Variants in STIP1 observed in about 807,000 individuals in gnomAD.
STIP1 encodes the protein stress induced phosphoprotein 1, also known as stress-induced-phosphoprotein 1.
In STIP1, 16 loss-of-function variants were observed where a neutral mutation model predicts 77.4. That is an observed-to-expected ratio of 0.21 (90% CI 0.14 to 0.31). The LOEUF (loss-of-function observed/expected upper bound fraction) is 0.31, where lower values mean the gene tolerates loss of function less well. Among genes scored for constraint, STIP1 ranks in the 10% least tolerant of loss-of-function variants. The probability of loss-of-function intolerance (pLI) is 1.00; values close to 1 mark genes in which losing one functional copy is unlikely to be tolerated. For missense variants in STIP1, 524 were observed against 684.8 expected, an observed-to-expected ratio of 0.77 and a Z score of 2.62; for synonymous variants, 258 against 246.6, an observed-to-expected ratio of 1.05 and a Z score of -0.44.
intron 5 of STIP1, 147 bp downstream of exon 5, chr11:64,195,960 T>A: frequency 8.4e-7 from 1 of 1,190,132 alleles, no homozygotes; most frequent in Non-Finnish European, 1.2e-6. Flanking sequence ...CAGGTTGGTC[T>A]TGAACTTCTG....
At chr11:64,203,003 G>A in intron 11 of STIP1, 91 bp downstream of exon 11, 20 of 1,602,958 alleles carry the variant, frequency 1.2e-5, no homozygotes, top group Non-Finnish European at 1.7e-5. Flanking sequence ...GTGTCCTTGG[G>A]ACCTGTAGGA....
In STIP1 at chr11:64,200,170, G is replaced by C. The variant is rs1206711491; in HGVS notation, c.1122G>C (p.Gly374=). The stretch of plus-strand genomic sequence containing the variant: ...ACAGTCTTTGTTTTTCTTCCCCAGG[G>C]GACTATCCCCAGGCCATGAAGCATT... ...KNKGNECFQK[G]DYPQAMKHYT... Residue 374 remains glycine (G), a splice_region_variant and synonymous_variant, in exon 10 of 14, where the codon GGG becomes GGC. Coordinates refer to ENST00000305218, the MANE Select transcript of STIP1 (RefSeq NM_006819.3). 2 of 1,611,568 alleles carry C rather than the reference G, an allele frequency of 1.2e-6. No individual in the cohort carries two copies. Among genetic ancestry groups the C allele is most frequent in the African/African-American group, 2.7e-5 (2 of 74,670 alleles).
In STIP1 at chr11:64,198,055, A is replaced by G. The variant is rs771973547; in HGVS notation, c.1023+81A>G. 1.4e-5 allele frequency: 21 copies of G among 1,501,484 alleles called. No individual in the cohort carries two copies. The Admixed American group carries it at 4.3e-4, about 30-fold the overall frequency. 93.0% of individuals were successfully genotyped at this position (1,501,484 alleles called of 1,614,324 possible). On this transcript the variant is annotated intron_variant, in intron 8 of 13. Transcript: ENST00000305218. ...TTTCTTACTGTTTTATTTAATAATG[A>G]ACTTGACTTTTTTTTTTTTTTGAGA...
At chr11:64,199,440 G>GA (rs1469721545) in intron 8 of STIP1, among the ~76,000 whole-genome samples, 2 of 146,092 alleles carry the variant, frequency 1.4e-5, no homozygotes, top group Non-Finnish European at 1.5e-5. Context: ...CCGGGAGGCA[G>GA]AGCTTGCAGT....
chr11:64,198,490 C>T (rs559434755), intron 8 of STIP1, among the ~76,000 whole-genome samples: 2 of 152,222 alleles, frequency 1.3e-5, no homozygotes, highest in Admixed American at 1.3e-4. Flanking sequence ...GGATTACAGG[C>T]CACTGCGCCT....
In STIP1 at chr11:64,197,797, C is replaced by T; in HGVS notation, c.903-57C>T. On this transcript the variant is annotated intron_variant, in intron 7 of 13. Coordinates refer to ENST00000305218, the MANE Select transcript of STIP1 (RefSeq NM_006819.3). ...TTCTAGCTGCAGGTGTGTTTTTCTG[C>T]AGGAGCTGACTTTATCTCTCTGTCC... 3.8e-6 allele frequency: 6 copies of T among 1,588,382 alleles called. No homozygotes were observed. The South Asian group carries it at 4.5e-5, about 12-fold the overall frequency.
intron 5 of STIP1, among the ~76,000 whole-genome samples, chr11:64,196,449 CAA>C (rs1946151645): frequency 1.3e-5 from 2 of 149,922 alleles, no homozygotes; most frequent in African/African-American, 2.5e-5. Flanking sequence ...TAATGTGTAG[CAA>C]AGAGTGAGCT....
At chr11:64,192,010 C>G (rs1322818666) in intron 1 of STIP1, among the ~76,000 whole-genome samples, 1 of 151,950 alleles carries the variant, frequency 6.6e-6, no homozygotes, top group Non-Finnish European at 1.5e-5. Flanking sequence ...AGCTGCCTCA[C>G]TTTTTAAAAC....
At chr11:64,191,549 T>C (rs182421140) in intron 1 of STIP1, among the ~76,000 whole-genome samples, 2 of 152,254 alleles carry the variant, frequency 1.3e-5, no homozygotes, top group Non-Finnish European at 2.9e-5. Context: ...GAGGTTGCCG[T>C]GAGGCAAGAT....
intron 1 of STIP1, among the ~76,000 whole-genome samples, chr11:64,191,618 AAT>A (rs1946093740): frequency 6.6e-6 from 1 of 152,112 alleles, no homozygotes; most frequent in Non-Finnish European, 1.5e-5. Context: ...AAATAATAAT[AAT>A]AAATACAATG....
intron 1 of STIP1, among the ~76,000 whole-genome samples, chr11:64,187,035 C>T (rs1380179524): frequency 1.3e-5 from 2 of 152,068 alleles, no homozygotes; most frequent in Non-Finnish European, 2.9e-5. Flanking sequence ...CCAACACTTC[C>T]GAAAGGTGGG....
chr11:64,186,246 C>T lies in STIP1; in HGVS notation c.-16C>T, dbSNP rs1401485338. 1.3e-6 allele frequency: 2 copies of T among 1,504,066 alleles called. No individual in the cohort carries two copies. Among genetic ancestry groups the T allele is most frequent in the Non-Finnish European group, 1.8e-6 (2 of 1,117,276 alleles). The allele number at this position is 1,504,066 out of a possible 1,614,324, so 93.2% of individuals were successfully genotyped here. A position where few individuals can be genotyped will look rare whatever the true frequency, so the allele number is the denominator to read the frequency against. On this transcript the variant is annotated 5_prime_UTR_variant, in exon 1 of 14. Transcript: ENST00000305218. Reference sequence around the variant, plus strand: ...GGACGGATTCGATTCAACGGGGTTCCGGACCGCGCTGCGCTATGGAGCAGG... The same window carrying T: ...GGACGGATTCGATTCAACGGGGTTCTGGACCGCGCTGCGCTATGGAGCAGG...
intron 4 of STIP1, among the ~76,000 whole-genome samples, chr11:64,194,853 C>T (rs1946131029): frequency 6.6e-6 from 1 of 152,172 alleles, no homozygotes. Flanking sequence ...CTCTCCTGCT[C>T]TTCTAGAACT....
At chr11:64,201,129 TC>T (rs1372152713) in intron 10 of STIP1, among the ~76,000 whole-genome samples, 27 of 151,690 alleles carry the variant, frequency 1.8e-4, no homozygotes, top group African/African-American at 5.8e-4. Context: ...AACCTCTACT[TC>T]CCTGGCTTAA....
chr11:64,190,515 A>G (rs896486433), intron 1 of STIP1, among the ~76,000 whole-genome samples: 13 of 151,950 alleles, frequency 8.6e-5, no homozygotes, highest in Non-Finnish European at 1.8e-4. Context: ...GGGTTTCACC[A>G]TGTTGGCCAG....
chr11:64,190,114 C>T (rs1946075658), intron 1 of STIP1, among the ~76,000 whole-genome samples: 1 of 152,062 alleles, frequency 6.6e-6, no homozygotes, highest in South Asian at 2.1e-4. Flanking sequence ...GATTCTCCTG[C>T]CTCAGCCTGC....
rs142602584 is a variant in STIP1 at position 64,193,098 on chromosome 11, A to G, written c.30A>G (p.Lys10=). Reference sequence around the variant, plus strand: ...CTCAGGTCAATGAGCTGAAGGAGAAAGGCAACAAGGCCCTGAGCGTGGGTA... The same window carrying G: ...CTCAGGTCAATGAGCTGAAGGAGAAGGGCAACAAGGCCCTGAGCGTGGGTA... MEQVNELKE[K]GNKALSVGNI... The change falls in exon 2 of 14, where the codon AAA becomes AAG. Residue 10 remains lysine, a synonymous_variant. Coordinates refer to ENST00000305218, the MANE Select transcript of STIP1 (RefSeq NM_006819.3). 1.3e-4 allele frequency: 202 copies of G among 1,614,074 alleles called. No individual in the cohort carries two copies. Among genetic ancestry groups the G allele is most frequent in the Non-Finnish European group, 1.6e-4 (193 of 1,180,036 alleles).
chr11:64,203,353 C>CT, intron 12 of STIP1, 97 bp from the exon 13 acceptor site: 1 of 1,585,278 alleles, frequency 6.3e-7, no homozygotes, highest in Non-Finnish European at 8.6e-7. Context: ...TACTTGTTCT[C>CT]TCTCCCCTTG....
At chr11:64,192,168 G>A (rs1343741813) in intron 1 of STIP1, among the ~76,000 whole-genome samples, 1 of 152,158 alleles carries the variant, frequency 6.6e-6, no homozygotes, top group Non-Finnish European at 1.5e-5. Flanking sequence ...ACAAAAATTA[G>A]CCAAGTGTGG....
Sources: allele counts gnomAD v4.1 joint callset (sites outside exome capture counted in the v4.1 genomes callset), GRCh38; gene constraint gnomAD v4.1.1; transcripts MANE v1.5; gene names NCBI Gene and HGNC (gene_info 2026-07-23, HGNC 2026-07-21).